Variants in HK2 observed in about 807,000 individuals in gnomAD.
HK2 encodes the protein hexokinase-2.
A neutral mutation model predicts 92.9 loss-of-function variants in HK2; 42 were observed. The observed-to-expected ratio is 0.45, with a 90% CI of 0.35 to 0.58. The LOEUF (loss-of-function observed/expected upper bound fraction) is 0.58. HK2 is among the 20% of genes least tolerant of loss of function. The probability of loss-of-function intolerance (pLI) is 0.00; values close to 1 mark genes in which losing one functional copy is unlikely to be tolerated. For missense variants in HK2, 978 were observed against 1,245.1 expected (o/e 0.79, Z 3.23); for synonymous variants, 422 against 468.0 (o/e 0.90, Z 1.27).
chr2:74,843,949 C>T (rs762385948), intron 1 of HK2, among the ~76,000 whole-genome samples: 2 of 152,208 alleles, frequency 1.3e-5, no homozygotes, highest in Admixed American at 6.5e-5. Flanking sequence ...AAGCTGCCCT[C>T]CAGGTAGGTC....
intron 12 of HK2, among the ~76,000 whole-genome samples, chr2:74,883,786 A>C (rs1689457816): frequency 6.6e-6 from 1 of 152,186 alleles, no homozygotes; most frequent in African/African-American, 2.4e-5. Context: ...TATTTAATGG[A>C]CCATTACTTA....
chr2:74,860,503 C>A (rs960456234), intron 2 of HK2, among the ~76,000 whole-genome samples: 1 of 152,106 alleles, frequency 6.6e-6, no homozygotes, highest in Non-Finnish European at 1.5e-5. Context: ...ACATATAAAT[C>A]GACTCACACA....
chr2:74,883,855 T>C (rs912359304), intron 12 of HK2, among the ~76,000 whole-genome samples: 1 of 152,188 alleles, frequency 6.6e-6, no homozygotes, highest in Non-Finnish European at 1.5e-5. Context: ...TTAAATAAAT[T>C]ATGACCCACT....
chr2:74,859,606 G>T (rs1688772233), intron 2 of HK2, among the ~76,000 whole-genome samples: 1 of 152,150 alleles, frequency 6.6e-6, no homozygotes, highest in Non-Finnish European at 1.5e-5. Flanking sequence ...GAGCATTCCA[G>T]CCTGGGCCAC....
intron 9 of HK2, 42 bp downstream of exon 9, chr2:74,878,963 G>A: frequency 6.7e-7 from 1 of 1,490,094 alleles, no homozygotes; most frequent in Non-Finnish European, 9.2e-7. Flanking sequence ...AGTTCCTGGA[G>A]TACCTGGGGC....
chr2:74,849,746 T>G (rs144478061), intron 1 of HK2, among the ~76,000 whole-genome samples: 1,604 of 152,326 alleles, frequency 0.011, 12 homozygotes, highest in Non-Finnish European at 0.015. Context: ...CCCACAGTTA[T>G]GCTAATGACT....
chr2:74,883,885 CT>C (rs1689460588), intron 12 of HK2, among the ~76,000 whole-genome samples: 1 of 152,146 alleles, frequency 6.6e-6, no homozygotes, highest in Non-Finnish European at 1.5e-5. Context: ...GTATCAGCCA[CT>C]AGTTATTTGT....
chr2:74,859,444 T>C (rs960368622), intron 2 of HK2, among the ~76,000 whole-genome samples: 7 of 152,124 alleles, frequency 4.6e-5, no homozygotes, highest in Non-Finnish European at 7.4e-5. Flanking sequence ...CCCAGCACTT[T>C]GGGAGGCTGA....
intron 2 of HK2, among the ~76,000 whole-genome samples, chr2:74,859,967 A>G (rs1254105425): frequency 1.3e-5 from 2 of 152,256 alleles, no homozygotes; most frequent in African/African-American, 2.4e-5. Flanking sequence ...GTATATATAC[A>G]TAATAGAATA....
intron 12 of HK2, among the ~76,000 whole-genome samples, chr2:74,883,608 C>T (rs1189681432): frequency 6.6e-6 from 1 of 152,218 alleles, no homozygotes; most frequent in Non-Finnish European, 1.5e-5. Flanking sequence ...CCTCCTTCTC[C>T]TCCTTATCTG....
chr2:74,865,768 A>G (rs760164343), intron 2 of HK2, among the ~76,000 whole-genome samples: 1 of 152,092 alleles, frequency 6.6e-6, no homozygotes, highest in African/African-American at 2.4e-5. Flanking sequence ...TTTCTTGGAC[A>G]GGTTTCTGCA....
At position 74,875,327 on chromosome 2, in the gene HK2, G is replaced by GTTT. The variant is rs61418530; in HGVS notation, c.875+895_875+897dup. Among the ~76,000 whole-genome samples, 99 of 112,058 alleles carry GTTT rather than the reference G, an allele frequency of 8.8e-4. 1 individual carries two copies. Among genetic ancestry groups the GTTT allele is most frequent in the African/African-American group, 1.6e-3 (46 of 28,482 alleles). The allele number at this position is 112,058 out of a possible 152,430, so 73.5% of individuals were successfully genotyped here. A position where few individuals can be genotyped will look rare whatever the true frequency, so the allele number is the denominator to read the frequency against. ...GTAACCCAGGAGAGTCCTTGCTTTC[G>GTTT]TTTTTTTTTTTTTTTTTTTGAGACA... On this transcript the variant is annotated intron_variant, in intron 7 of 17. Coordinates refer to ENST00000290573, the MANE Select transcript of HK2 (RefSeq NM_000189.5).
chr2:74,840,904 A>AAAGG (rs869156790), intron 1 of HK2, among the ~76,000 whole-genome samples: 4 of 114,032 alleles, frequency 3.5e-5, no homozygotes, highest in South Asian at 2.8e-4. Context: ...AAAAAAAAAA[A>AAAGG]GCTGTGGGGG....
intron 14 of HK2, 40 bp from the exon 15 acceptor site, chr2:74,886,450 G>T: frequency 6.2e-7 from 1 of 1,614,036 alleles, no homozygotes; most frequent in Non-Finnish European, 8.5e-7. Context: ...GTGTGGAGGG[G>T]TTGGTGCTGA....
At chr2:74,846,779 T>C (rs547269007) in intron 1 of HK2, among the ~76,000 whole-genome samples, 2 of 152,306 alleles carry the variant, frequency 1.3e-5, no homozygotes, top group South Asian at 4.1e-4. Flanking sequence ...GCCAAAGTAT[T>C]AGGATTACTG....
At chr2:74,873,620 T>C (rs1326239739) in intron 5 of HK2, among the ~76,000 whole-genome samples, 1 of 152,092 alleles carries the variant, frequency 6.6e-6, no homozygotes, top group African/African-American at 2.4e-5. Context: ...GAAGAAGACT[T>C]GAATGTGATT....
chr2:74,853,254 C>T (rs28362982), intron 1 of HK2, among the ~76,000 whole-genome samples: 6 of 152,006 alleles, frequency 3.9e-5, no homozygotes, highest in East Asian at 1.9e-4. Flanking sequence ...TGGTGGCTCG[C>T]TCCTTTAATC....
intron 2 of HK2, among the ~76,000 whole-genome samples, chr2:74,867,126 C>T (rs868370639): frequency 2.6e-5 from 4 of 151,848 alleles, no homozygotes; most frequent in Non-Finnish European, 4.4e-5. Flanking sequence ...TCGTTGGATG[C>T]GAAACTGTCT....
In HK2 at chr2:74,885,500, C is replaced by T; in HGVS notation, c.1846C>T (p.Leu616Phe). The T allele has an allele frequency of 6.2e-7, 1 of 1,612,480 alleles. No individual in the cohort carries two copies. ...GCTTGTGTGTGATTTTTAGAGCATC[C>T]TCCTCAAGTGGACAAAAGGCTTCAA... ...CQQNSLDESILLKWTKGFKAS... is the reference protein window; with the variant it reads ...CQQNSLDESIFLKWTKGFKAS... The change falls in exon 13 of 18, where the codon CTC becomes TTC. Residue 616 changes from leucine to phenylalanine, a missense_variant. This residue lies in a region of HK2 where 742 missense variants were observed against 922.5 expected (regional missense o/e 0.80). Transcript: ENST00000290573.
Sources: allele counts gnomAD v4.1 joint callset (sites outside exome capture counted in the v4.1 genomes callset), GRCh38; gene constraint gnomAD v4.1.1; regional missense constraint gnomAD v4.1.1; transcripts MANE v1.5; gene names NCBI Gene and HGNC (gene_info 2026-07-23, HGNC 2026-07-21).